Variants in FBXO9 observed in about 807,000 individuals in gnomAD.
The protein encoded by FBXO9 is F-box protein 9, also known as F-box only protein 9.
FBXO9 carries 43 observed loss-of-function variants against 63.7 expected under a neutral mutation model. The observed-to-expected ratio is 0.67, with a 90% CI of 0.53 to 0.87. The LOEUF is 0.87. FBXO9 is among the 40% of genes least tolerant of loss of function. The pLI is 0.00. For missense variants in FBXO9, 442 were observed against 533.2 expected (o/e 0.83, Z 1.68); for synonymous variants, 156 against 171.7 (o/e 0.91, Z 0.72).
At chr6:53,092,365 C>G in intron 7 of FBXO9, 64 bp from the exon 8 acceptor site, 1 of 1,230,456 alleles carries the variant, frequency 8.1e-7, no homozygotes, top group East Asian at 2.3e-5. Flanking sequence ...TGGCTGATAG[C>G]AAAAATATTT....
chr6:53,091,075 A>C (rs1763026904), intron 7 of FBXO9: 1 of 152,054 alleles, frequency 6.6e-6, no homozygotes, highest in African/African-American at 2.4e-5. Flanking sequence ...CTGGGTGTCC[A>C]CATTAAGTTC....
intron 1 of FBXO9, chr6:53,066,067 T>C: frequency 8.2e-7 from 1 of 1,217,138 alleles, no homozygotes; most frequent in Non-Finnish European, 1.0e-6. Flanking sequence ...CCGGGGAAAA[T>C]GTCCCTTCTC....
intron 7 of FBXO9, among the ~76,000 whole-genome samples, chr6:53,085,589 C>CA (rs1482295653): frequency 6.6e-6 from 1 of 151,678 alleles, no homozygotes; most frequent in Non-Finnish European, 1.5e-5. Context: ...TTAGAATACT[C>CA]ACATTAATAA....
In FBXO9 at chr6:53,092,753, C is replaced by T. The variant is rs1168117877; in HGVS notation, c.792C>T (p.Thr264=). The T allele has an allele frequency of 4.3e-6, 7 of 1,610,830 alleles. No individual in the cohort carries two copies. The Admixed American group carries it at 1.0e-4, about 23-fold the overall frequency. Residue 264 remains threonine, a synonymous_variant, in exon 9 of 13, where the codon ACC becomes ACT. Transcript: ENST00000323557. ...VRFDGVYISK[T]TYIRQGEQSL... ...TCATAGGCGTGTATATCAGTAAAAC[C>T]ACATATATTCGTCAAGGGGAACAGT...
rs763582515 is a variant in FBXO9, at chr6:53,098,158, C to G, written c.*328C>G. On this transcript the variant is annotated 3_prime_UTR_variant, in exon 13 of 13. Coordinates refer to ENST00000323557, the MANE Select transcript of FBXO9 (RefSeq NM_033480.3). The stretch of plus-strand genomic sequence containing the variant: ...GAGGTTTATCATGCCCTTTTTCAAG[C>G]AGATTTATGAGCAGATTTCTGTCAC... 7 of 382,650 alleles carry G rather than the reference C, an allele frequency of 1.8e-5. No individual in the cohort carries two copies. The highest frequency in any genetic ancestry group is 3.8e-5 in the Non-Finnish European group (7 of 185,744). The allele number at this position is 382,650 out of a possible 1,614,324, so 23.7% of individuals were successfully genotyped here.
intron 6 of FBXO9, among the ~76,000 whole-genome samples, chr6:53,082,228 ATTTAT>A (rs944756737): frequency 1.3e-5 from 2 of 152,208 alleles, no homozygotes; most frequent in African/African-American, 4.8e-5. Context: ...TTCCTAAAAC[ATTTAT>A]TTTAATATGT....
At chr6:53,078,771 G>A (rs1213769405) in intron 4 of FBXO9, 28 bp from the exon 5 acceptor site, 1 of 1,523,182 alleles carries the variant, frequency 6.6e-7, no homozygotes, top group African/African-American at 1.4e-5. Context: ...TGTGGTCACA[G>A]CTAATTTAGC....
intron 5 of FBXO9, among the ~76,000 whole-genome samples, chr6:53,080,513 T>G (rs1036210154): frequency 2.6e-5 from 4 of 152,164 alleles, no homozygotes; most frequent in Admixed American, 6.5e-5. Context: ...AAAGTAGGTA[T>G]TTTCCTCTCT....
rs557240365 is a variant in FBXO9 at position 53,068,496 on chromosome 6, G to C, written c.4-2561G>C. 8.0e-4 allele frequency among the ~76,000 whole-genome samples: 121 copies of C among 152,066 alleles called. 1 individual carries two copies. Among genetic ancestry groups the C allele is most frequent in the Non-Finnish European group, 1.3e-3 (85 of 67,986 alleles). On this transcript the variant is annotated intron_variant, in intron 1 of 12. Transcript: ENST00000323557. Reference sequence around the variant, plus strand: ...GATTTATAGACAGATAAAATAGAAGGGGTTTCTTTACAAAAGCATTTACTA... The same window carrying C: ...GATTTATAGACAGATAAAATAGAAGCGGTTTCTTTACAAAAGCATTTACTA...
At position 53,100,347 on chromosome 6, in the gene FBXO9, C is replaced by T. The variant is rs1394684200; in HGVS notation, c.*2517C>T. ...TACTATGAAAAGCTGACAGCAGTAT[C>T]TGGATTAACTTTTTAAAAACAATGA... On this transcript the variant is annotated 3_prime_UTR_variant, in exon 13 of 13. Coordinates refer to ENST00000323557, the MANE Select transcript of FBXO9 (RefSeq NM_033480.3). 1 of 152,164 alleles carries T rather than the reference C, an allele frequency of 6.6e-6. No individual in the cohort carries two copies. Among genetic ancestry groups the T allele is most frequent in the Non-Finnish European group, 1.5e-5 (1 of 68,032 alleles). The allele number at this position is 152,164 out of a possible 1,614,324, so 9.4% of individuals were successfully genotyped here.
At chr6:53,093,027 TC>T in intron 9 of FBXO9, 1 of 450,514 alleles carries the variant, frequency 2.2e-6, no homozygotes. Flanking sequence ...TTAGATTTCT[TC>T]TTGTCTTTTG....
At position 53,098,605 on chromosome 6, in the gene FBXO9, A is replaced by T. The variant is rs1763279908; in HGVS notation, c.*775A>T. 6.6e-6 allele frequency: 1 copy of T among 152,144 alleles called. No homozygotes were observed. Among genetic ancestry groups the T allele is most frequent in the South Asian group, 2.1e-4 (1 of 4,836 alleles). The allele number at this position is 152,144 out of a possible 1,614,324, so 9.4% of individuals were successfully genotyped here. On this transcript the variant is annotated 3_prime_UTR_variant, in exon 13 of 13. Coordinates refer to ENST00000323557, the MANE Select transcript of FBXO9 (RefSeq NM_033480.3). ...CCCCATCCCTTATTAAAAGAAAAAA[A>T]AATAATTCCTCATTTCATCATTGGT...
In FBXO9 at chr6:53,065,886, C is replaced by G. The variant is rs573014673; in HGVS notation, c.3+94C>G. 523 of 1,236,578 alleles carry G rather than the reference C, an allele frequency of 4.2e-4. No individual in the cohort carries two copies. The African/African-American group carries it at 7.6e-3, about 18-fold the overall frequency. 76.6% of individuals were successfully genotyped at this position (1,236,578 alleles called of 1,614,324 possible). On this transcript the variant is annotated intron_variant, in intron 1 of 12. Transcript: ENST00000323557. ...CTAGGGCTGGGGGTCGGCGGGGACT[C>G]TGGGGAGGAGTGGGAGCTTCACGGC...
intron 4 of FBXO9, among the ~76,000 whole-genome samples, chr6:53,077,357 C>T (rs941541912): frequency 7.8e-4 from 117 of 150,714 alleles, no homozygotes; most frequent in Non-Finnish European, 1.2e-3. Flanking sequence ...CCTGTAGTCC[C>T]AGCTACTTGG....
chr6:53,088,561 T>C (rs1272222871), intron 7 of FBXO9, among the ~76,000 whole-genome samples: 1 of 151,956 alleles, frequency 6.6e-6, no homozygotes, highest in Non-Finnish European at 1.5e-5. Flanking sequence ...TTTAGACCTG[T>C]GTTTTAGGTG....
intron 7 of FBXO9, among the ~76,000 whole-genome samples, chr6:53,086,016 G>A (rs977474919): frequency 6.6e-6 from 1 of 152,202 alleles, no homozygotes; most frequent in Non-Finnish European, 1.5e-5. Flanking sequence ...GGGCGTGGTG[G>A]CTCATGCCTA....
At chr6:53,077,288 A>T (rs939760814) in intron 4 of FBXO9, among the ~76,000 whole-genome samples, 1 of 151,748 alleles carries the variant, frequency 6.6e-6, no homozygotes, top group South Asian at 2.1e-4. Context: ...TCCCGGCTAA[A>T]ACGGTGAAAC....
At chr6:53,088,843 G>A (rs952316678) in intron 7 of FBXO9, among the ~76,000 whole-genome samples, 5 of 151,678 alleles carry the variant, frequency 3.3e-5, no homozygotes, top group South Asian at 2.1e-4. Flanking sequence ...CAGGTGATCC[G>A]CCCACCTCAG....
intron 3 of FBXO9, among the ~76,000 whole-genome samples, chr6:53,074,582 C>G (rs1241311211): frequency 4.6e-5 from 7 of 152,200 alleles, no homozygotes; most frequent in African/African-American, 1.7e-4. Flanking sequence ...CCACCACAAT[C>G]AAGATACAGA....
Sources: allele counts gnomAD v4.1 joint callset (sites outside exome capture counted in the v4.1 genomes callset), GRCh38; gene constraint gnomAD v4.1.1; transcripts MANE v1.5; gene names NCBI Gene and HGNC (gene_info 2026-07-23, HGNC 2026-07-21).